The following PDE7A variants were observed in gnomAD, a reference collection of about 807,000 sequenced individuals.
PDE7A encodes high affinity 3',5'-cyclic-AMP phosphodiesterase 7A.
PDE7A carries 39 observed loss-of-function variants against 64.3 expected under a neutral mutation model. The observed-to-expected ratio is 0.61, with a 90% CI of 0.47 to 0.79. The LOEUF (loss-of-function observed/expected upper bound fraction) is 0.79. Among genes scored for constraint, PDE7A ranks in the 30% least tolerant of loss-of-function variants. PDE7A has a pLI of 0.00. For synonymous variants in PDE7A, 203 were observed against 206.8 expected, an observed-to-expected ratio of 0.98 and a Z score of 0.16; for missense variants, 470 against 582.8, an observed-to-expected ratio of 0.81 and a Z score of 1.99.
chr8:65,837,618 A>T (rs946360370), intron 1 of PDE7A, among the ~76,000 whole-genome samples: 1 of 152,246 alleles, frequency 6.6e-6, no homozygotes, highest in South Asian at 2.1e-4. Flanking sequence ...CTCATCACTC[A>T]TGTGGACGAT....
At chr8:65,799,248 G>A (rs887295972) in intron 1 of PDE7A, among the ~76,000 whole-genome samples, 1 of 152,098 alleles carries the variant, frequency 6.6e-6, no homozygotes, top group African/African-American at 2.4e-5. Context: ...ATTTCAGAAA[G>A]AGGAGCAAAA....
intron 2 of PDE7A, among the ~76,000 whole-genome samples, chr8:65,780,353 G>A (rs1297289367): frequency 6.6e-6 from 1 of 152,148 alleles, no homozygotes; most frequent in African/African-American, 2.4e-5. Context: ...AACTTAAAAT[G>A]TTAAAGACTT....
intron 3 of PDE7A, among the ~76,000 whole-genome samples, chr8:65,777,393 A>G (rs1211830608): frequency 6.6e-6 from 1 of 151,938 alleles, no homozygotes; most frequent in Admixed American, 6.6e-5. Context: ...TTTTATTAAT[A>G]TAGTGAATTA....
In PDE7A at chr8:65,724,843, A is replaced by T; in HGVS notation, c.999T>A (p.Phe333Leu). 6.2e-7 allele frequency: 1 copy of T among 1,612,182 alleles called. No homozygotes were observed. Among genetic ancestry groups the T allele is most frequent in the African/African-American group, 1.3e-5 (1 of 74,988 alleles). Residue 333 changes from phenylalanine to leucine, a missense_variant, in exon 10 of 13, where the codon TTT becomes TTA. Coordinates refer to ENST00000401827, the MANE Select transcript of PDE7A (RefSeq NM_001242318.3). The stretch of plus-strand genomic sequence containing the variant: ...AATCACCTCTATCCAAATGGGACCT[A>T]AACAAAGACAGATACTCATTCTGGC... Reference protein sequence around the residue: ...ISRQNEYLSLFRSHLDRGDLC... With the variant: ...ISRQNEYLSLLRSHLDRGDLC...
intron 1 of PDE7A, among the ~76,000 whole-genome samples, chr8:65,799,282 A>G (rs1276074648): frequency 6.6e-6 from 1 of 152,150 alleles, no homozygotes; most frequent in Non-Finnish European, 1.5e-5. Flanking sequence ...CAACCCCCAG[A>G]GGAAATTTAG....
At chr8:65,752,086 T>C (rs1807996439) in intron 3 of PDE7A, among the ~76,000 whole-genome samples, 1 of 152,234 alleles carries the variant, frequency 6.6e-6, no homozygotes. Context: ...TTTCTACTAC[T>C]TGATTTGTCA....
rs901358215 is a variant in PDE7A, at chr8:65,745,840, G to A, written c.436-370C>T. Among the ~76,000 whole-genome samples, 3 of 152,286 alleles carry A rather than the reference G, an allele frequency of 2.0e-5. No homozygotes were observed. In the East Asian group the frequency reaches 5.8e-4, roughly 29 times the overall value. On this transcript the variant is annotated intron_variant, in intron 4 of 12. Transcript: ENST00000401827. ...ATTGCAAACAATCTAATAAAAATAA[G>A]TGACACTACTGAGTATTTACTGTAT...
At chr8:65,753,883 A>G (rs1808087439) in intron 3 of PDE7A, among the ~76,000 whole-genome samples, 2 of 152,054 alleles carry the variant, frequency 1.3e-5, no homozygotes, top group South Asian at 4.2e-4. Context: ...TTTATCTCAT[A>G]ACCTTTTTTT....
intron 1 of PDE7A, among the ~76,000 whole-genome samples, chr8:65,834,642 T>A (rs1196866670): frequency 3.3e-5 from 5 of 152,178 alleles, no homozygotes; most frequent in Non-Finnish European, 5.9e-5. Context: ...GTTACCCAGT[T>A]AACAACTAAT....
intron 1 of PDE7A, among the ~76,000 whole-genome samples, chr8:65,819,957 A>T (rs1373686556): frequency 6.6e-6 from 1 of 152,236 alleles, no homozygotes; most frequent in Non-Finnish European, 1.5e-5. Flanking sequence ...CCACAGACTG[A>T]AGTGTGAAAT....
chr8:65,765,358 G>A (rs956702610), intron 3 of PDE7A, among the ~76,000 whole-genome samples: 8 of 149,748 alleles, frequency 5.3e-5, no homozygotes, highest in Admixed American at 2.0e-4. Context: ...GCGTAGTGGC[G>A]GGCGCCTGTA....
At position 65,841,636 on chromosome 8, in the gene PDE7A, G is replaced by T; in HGVS notation, c.-128C>A. The T allele has an allele frequency of 4.1e-6, 1 of 245,144 alleles. No homozygotes were observed. Among genetic ancestry groups the T allele is most frequent in the Non-Finnish European group, 7.0e-6 (1 of 142,458 alleles). 15.2% of individuals were successfully genotyped at this position (245,144 alleles called of 1,614,324 possible). Reference sequence around the variant, plus strand: ...GGCAGGGCGGGCGGGGACCGACCCCGGGCTGGGAAGCCGCGCTCACGCCTC... The same window carrying T: ...GGCAGGGCGGGCGGGGACCGACCCCTGGCTGGGAAGCCGCGCTCACGCCTC... On this transcript the variant is annotated 5_prime_UTR_variant, in exon 1 of 13. Transcript: ENST00000401827.
chr8:65,798,206 A>ATATATATATATATATATTTTTT, intron 1 of PDE7A, among the ~76,000 whole-genome samples: 9 of 73,800 alleles, frequency 1.2e-4, no homozygotes, highest in East Asian at 7.3e-4. Context: ...ATATATATAT[A>ATATATATATATATATATTTTTT]TTTTTTTTTT....
intron 12 of PDE7A, chr8:65,723,130 G>A (rs1806455302): frequency 6.5e-6 from 1 of 153,898 alleles, no homozygotes; most frequent in Non-Finnish European, 1.4e-5. Flanking sequence ...GAAAGGCAGT[G>A]GCAGAAGCTG....
Position 65,841,415 on chromosome 8 carries a change from T to G in PDE7A, c.94A>C (p.Ser32Arg). Residue 32 changes from serine to arginine, a missense_variant, in exon 1 of 13, where the codon AGC (serine) becomes CGC (arginine). Physicochemically the swap from Ser to Arg is moderately radical, Grantham distance 110 (BLOSUM62 -1). Transcript: ENST00000401827. ...TTGGGGCAGCCGAAGAGAGCGGAGC[T>G]GGAGCTGAAGCTGATGGCTCCTCGG... Reference protein sequence around the residue: ...SRRGAISFSSSSALFGCPNPR... With the variant: ...SRRGAISFSSRSALFGCPNPR... 1 of 1,564,276 alleles carries G rather than the reference T, an allele frequency of 6.4e-7. No homozygotes were observed. Among genetic ancestry groups the G allele is most frequent in the East Asian group, 2.6e-5 (1 of 38,768 alleles).
At chr8:65,723,746 C>T (rs914286199) in intron 11 of PDE7A, 125 bp from the exon 12 acceptor site, 1 of 583,972 alleles carries the variant, frequency 1.7e-6, no homozygotes, top group Non-Finnish European at 2.7e-6. Flanking sequence ...GAGAGGACAG[C>T]TTCGCAATTA....
rs577132600 is a variant in PDE7A at position 65,787,782 on chromosome 8, G to T, written c.139-4939C>A. 2.6e-3 allele frequency among the ~76,000 whole-genome samples: 312 copies of T among 120,674 alleles called. 1 individual carries two copies. The highest frequency in any genetic ancestry group is 0.01 in the African/African-American group (294 of 28,536). 79.2% of individuals were successfully genotyped at this position (120,674 alleles called of 152,430 possible). On this transcript the variant is annotated intron_variant, in intron 1 of 12. Coordinates refer to ENST00000401827, the MANE Select transcript of PDE7A (RefSeq NM_001242318.3). ...ACATAGTAAGACCTCATCTCTACAG[G>T]GGGGGGAAAAAAAAAAAGTAAAGTC...
rs564534677 is a variant in PDE7A at position 65,776,956 on chromosome 8, C to T, written c.283+2764G>A. Among the ~76,000 whole-genome samples the T allele has an allele frequency of 9.9e-5, 15 of 152,028 alleles. No individual in the cohort carries two copies. In the South Asian group the frequency reaches 1.7e-3, roughly 17 times the overall value. ...TCGCAGAAAGAATGTTTTAATATTGCGCATTAAATATGATGTTTGCTATGG... is the reference window on the plus strand; with the variant it reads ...TCGCAGAAAGAATGTTTTAATATTGTGCATTAAATATGATGTTTGCTATGG... On this transcript the variant is annotated intron_variant, in intron 3 of 12. Transcript: ENST00000401827.
chr8:65,789,917 T>C (rs922971354), intron 1 of PDE7A, among the ~76,000 whole-genome samples: 1 of 152,216 alleles, frequency 6.6e-6, no homozygotes, highest in African/African-American at 2.4e-5. Flanking sequence ...GAGTGTACAT[T>C]AATCAAATTA....
Sources: gnomAD v4.1 joint callset for allele counts (sites outside exome capture counted in the v4.1 genomes callset) on GRCh38, gnomAD v4.1.1 for gene constraint, MANE v1.5 for transcripts, NCBI Gene and HGNC (gene_info 2026-07-23, HGNC 2026-07-21) for gene names.